SGCZ: variants seen among roughly 807,000 people sequenced by gnomAD.
SGCZ encodes zeta-sarcoglycan.
In SGCZ, 40 loss-of-function variants were observed where a neutral mutation model predicts 41.3. That is an observed-to-expected ratio of 0.97 (90% CI 0.75 to 1.26). SGCZ has a LOEUF of 1.26. Ranked by LOEUF, SGCZ falls within the 50% of genes most tolerant of loss-of-function variation. The pLI, the probability that SGCZ is intolerant of heterozygous loss-of-function variation, is 0.00. For synonymous variants in SGCZ, 206 were observed against 137.5 expected (o/e 1.50, Z -3.49); for missense variants, 552 against 369.8 (o/e 1.49, Z -4.04).
intron 1 of SGCZ, among the ~76,000 whole-genome samples, chr8:14,878,305 T>C (rs1804445221): frequency 6.6e-6 from 1 of 151,888 alleles, no homozygotes; most frequent in African/African-American, 2.4e-5. Context: ...GAACCAGCCA[T>C]GTTTGAAACA....
intron 2 of SGCZ, among the ~76,000 whole-genome samples, chr8:14,477,526 C>G (rs943400482): frequency 6.6e-6 from 1 of 152,052 alleles, no homozygotes; most frequent in Non-Finnish European, 1.5e-5. Flanking sequence ...TAGATACCTC[C>G]TCAAAGTAGC....
chr8:14,540,282 T>C (rs1363837011), intron 2 of SGCZ, among the ~76,000 whole-genome samples: 2 of 149,408 alleles, frequency 1.3e-5, no homozygotes, highest in African/African-American at 4.9e-5. Context: ...GTTTATAAAT[T>C]ATTATCAATC....
intron 5 of SGCZ, among the ~76,000 whole-genome samples, chr8:14,122,197 A>G (rs568280185): frequency 1.3e-5 from 2 of 152,334 alleles, no homozygotes; most frequent in Admixed American, 6.5e-5. Flanking sequence ...GAATGGCGTG[A>G]ACCCGGGAGG....
intron 1 of SGCZ, among the ~76,000 whole-genome samples, chr8:15,193,799 G>A (rs1023894873): frequency 2.6e-5 from 4 of 152,068 alleles, no homozygotes; most frequent in South Asian, 2.1e-4. Flanking sequence ...TAGGCTTTAC[G>A]TAATCAATAA....
At chr8:14,604,335 A>T (rs1360427796) in intron 1 of SGCZ, among the ~76,000 whole-genome samples, 2 of 152,162 alleles carry the variant, frequency 1.3e-5, no homozygotes, top group African/African-American at 4.8e-5. Flanking sequence ...GGCCTAGTGT[A>T]AGCTCACCAG....
intron 2 of SGCZ, among the ~76,000 whole-genome samples, chr8:14,365,939 C>G (rs1447665177): frequency 6.6e-6 from 1 of 152,038 alleles, no homozygotes; most frequent in Non-Finnish European, 1.5e-5. Flanking sequence ...AATATGTTAT[C>G]AAATGCATTA....
intron 1 of SGCZ, among the ~76,000 whole-genome samples, chr8:14,863,266 T>G (rs1803814775): frequency 6.6e-6 from 1 of 152,154 alleles, no homozygotes; most frequent in South Asian, 2.1e-4. Flanking sequence ...TGCAAGCATT[T>G]ATGTAACTAG....
intron 2 of SGCZ, among the ~76,000 whole-genome samples, chr8:14,354,896 T>G (rs948206634): frequency 2.0e-5 from 3 of 151,880 alleles, no homozygotes; most frequent in Admixed American, 2.0e-4. Flanking sequence ...TTGTAAAATT[T>G]TATTTTCTCA....
At chr8:14,723,402 G>A (rs1006207334) in intron 1 of SGCZ, among the ~76,000 whole-genome samples, 1 of 152,138 alleles carries the variant, frequency 6.6e-6, no homozygotes, top group Non-Finnish European at 1.5e-5. Flanking sequence ...GATCCTAGCT[G>A]CAGAGGACCC....
At chr8:14,681,829 T>A (rs1808455805) in intron 1 of SGCZ, among the ~76,000 whole-genome samples, 1 of 152,156 alleles carries the variant, frequency 6.6e-6, no homozygotes. Flanking sequence ...CCCATGGGCT[T>A]TTAGATGACA....
At chr8:14,502,989 T>C (rs1397623737) in intron 2 of SGCZ, among the ~76,000 whole-genome samples, 1 of 152,170 alleles carries the variant, frequency 6.6e-6, no homozygotes, top group African/African-American at 2.4e-5. Flanking sequence ...TAAAGACACA[T>C]GCACATGTAT....
At chr8:14,121,766 C>A (rs1802703380) in intron 5 of SGCZ, among the ~76,000 whole-genome samples, 1 of 152,162 alleles carries the variant, frequency 6.6e-6, no homozygotes, top group Non-Finnish European at 1.5e-5. Flanking sequence ...TTTGGTGTCT[C>A]ACTAGCAAGA....
chr8:14,649,025 T>C (rs989181279), intron 1 of SGCZ, among the ~76,000 whole-genome samples: 2 of 152,150 alleles, frequency 1.3e-5, no homozygotes, highest in Non-Finnish European at 2.9e-5. Context: ...ATAGTCTAGC[T>C]GCTGTTTGAT....
chr8:14,861,634 G>A (rs373168221), intron 1 of SGCZ, among the ~76,000 whole-genome samples: 5 of 151,986 alleles, frequency 3.3e-5, no homozygotes, highest in East Asian at 1.9e-4. Flanking sequence ...GAGAGATTCC[G>A]TAAAAGATAG....
At chr8:14,754,667 T>A (rs1799602037) in intron 1 of SGCZ, among the ~76,000 whole-genome samples, 1 of 152,154 alleles carries the variant, frequency 6.6e-6, no homozygotes, top group Non-Finnish European at 1.5e-5. Flanking sequence ...ATTTAAGAAA[T>A]TTGCACTTAT....
chr8:14,958,562 G>A (rs1800865634), intron 1 of SGCZ, among the ~76,000 whole-genome samples: 1 of 151,882 alleles, frequency 6.6e-6, no homozygotes, highest in African/African-American at 2.4e-5. Context: ...AAGTGACTGT[G>A]GAGGTGGAAA....
At chr8:14,198,259 T>C (rs990178320) in intron 4 of SGCZ, among the ~76,000 whole-genome samples, 1 of 152,200 alleles carries the variant, frequency 6.6e-6, no homozygotes, top group Non-Finnish European at 1.5e-5. Context: ...CATTTGCAAG[T>C]TTTTCAGTTA....
At chr8:14,109,597 T>C (rs945535173) in intron 5 of SGCZ, among the ~76,000 whole-genome samples, 29 of 152,150 alleles carry the variant, frequency 1.9e-4, no homozygotes, top group Admixed American at 1.4e-3. Context: ...TCTGTTTTTG[T>C]CTAATGAGAA....
chr8:14,943,836 T>G (rs1159042247), intron 1 of SGCZ, among the ~76,000 whole-genome samples: 2 of 152,158 alleles, frequency 1.3e-5, no homozygotes, highest in Non-Finnish European at 2.9e-5. Context: ...CAGTATTTGG[T>G]TTTCTGTTCC....
Sources: gnomAD v4.1 joint callset for allele counts (sites outside exome capture counted in the v4.1 genomes callset) on GRCh38, gnomAD v4.1.1 for gene constraint, MANE v1.5 for transcripts, NCBI Gene and HGNC (gene_info 2026-07-23, HGNC 2026-07-21) for gene names.